NXPE2: variants seen among roughly 807,000 people sequenced by gnomAD.
NXPE2 encodes NXPE family member 2.
NXPE2 carries 34 observed loss-of-function variants against 34.4 expected under a neutral mutation model. That is an observed-to-expected ratio of 0.99 (90% CI 0.75 to 1.31). The LOEUF (loss-of-function observed/expected upper bound fraction) is 1.31, where lower values mean the gene tolerates loss of function less well. NXPE2 is among the 40% of genes most tolerant of loss of function. The pLI is 0.00. For synonymous variants in NXPE2, 235 were observed against 231.3 expected (o/e 1.02, Z -0.15); for missense variants, 649 against 672.5 (o/e 0.97, Z 0.39).
chr11:114,813,370 A>C, the NXPE2 span, among the ~76,000 whole-genome samples: 1 of 152,240 alleles, frequency 6.6e-6, no homozygotes, highest in East Asian at 1.9e-4. Flanking sequence ...CTGAGGAGGG[A>C]CCAGGCCAGG....
rs1425725515 is a variant in NXPE2, at chr11:114,693,503, TCA to T, written c.133-4535_133-4534del. On this transcript the variant is annotated intron_variant, in intron 2 of 5. Coordinates refer to ENST00000389586, the MANE Select transcript of NXPE2 (RefSeq NM_182495.6). ...CACGTCCCAGACTGTCCACTGGATT[TCA>T]CACACATAAAACAGATTCAAGTAAT... Among the ~76,000 whole-genome samples, 8 of 152,216 alleles carry T rather than the reference TCA, an allele frequency of 5.3e-5. No individual in the cohort carries two copies. The East Asian group carries it at 1.3e-3, about 26-fold the overall frequency.
At chr11:114,797,598 A>T in the NXPE2 span, among the ~76,000 whole-genome samples, 1 of 152,108 alleles carries the variant, frequency 6.6e-6, no homozygotes, top group Non-Finnish European at 1.5e-5. Context: ...CATTCTCAAC[A>T]CATGTTGTCT....
chr11:114,733,933 G>A, the NXPE2 span, among the ~76,000 whole-genome samples: 354 of 152,184 alleles, frequency 2.3e-3, 2 homozygotes, highest in African/African-American at 8.2e-3. Context: ...CATGATCACT[G>A]GTGTACCTTT....
intron 2 of NXPE2, among the ~76,000 whole-genome samples, chr11:114,686,057 G>GA (rs1951040620): frequency 1.3e-5 from 2 of 151,768 alleles, no homozygotes; most frequent in African/African-American, 4.8e-5. Flanking sequence ...TGTTACCATT[G>GA]AAAAAAACTC....
intron 5 of NXPE2, 86 bp from the exon 6 acceptor site, chr11:114,706,309 G>T: frequency 1.7e-6 from 2 of 1,163,478 alleles, no homozygotes; most frequent in Non-Finnish European, 2.4e-6. Context: ...AAGTGATCTT[G>T]GTTAGAATTT....
chr11:114,800,441 T>C, the NXPE2 span, among the ~76,000 whole-genome samples: 1 of 152,228 alleles, frequency 6.6e-6, no homozygotes, highest in Non-Finnish European at 1.5e-5. Flanking sequence ...TCTTTGATTA[T>C]TCAAACTGTT....
chr11:114,499,154 T>G, the NXPE2 span, among the ~76,000 whole-genome samples: 1 of 148,266 alleles, frequency 6.7e-6, no homozygotes, highest in Non-Finnish European at 1.5e-5. Context: ...ATTTTCAGGA[T>G]TTTTAGCTTA....
chr11:114,504,994 G>T, the NXPE2 span, among the ~76,000 whole-genome samples: 1 of 152,082 alleles, frequency 6.6e-6, no homozygotes, highest in Non-Finnish European at 1.5e-5. Context: ...TTATGATAAA[G>T]CATTGCAGGA....
At chr11:114,763,703 C>T in the NXPE2 span, among the ~76,000 whole-genome samples, 2 of 152,166 alleles carry the variant, frequency 1.3e-5, no homozygotes, top group Admixed American at 1.3e-4. Context: ...CCAGTGCCAG[C>T]TCTAATTAAT....
the NXPE2 span, among the ~76,000 whole-genome samples, chr11:114,605,525 C>T: frequency 2.2e-4 from 33 of 151,770 alleles, no homozygotes; most frequent in African/African-American, 6.5e-4. Flanking sequence ...ACCACAGTTA[C>T]CCGGTGGATA....
chr11:114,650,411 A>G, the NXPE2 span, among the ~76,000 whole-genome samples: 1 of 152,316 alleles, frequency 6.6e-6, no homozygotes, highest in South Asian at 2.1e-4. Context: ...TATGAGAAAG[A>G]CTCAGAGAAG....
rs1199164528 is a variant in NXPE2 at position 114,705,801 on chromosome 11, A to G, written c.949A>G (p.Asn317Asp). 7 of 1,494,108 alleles carry G rather than the reference A, an allele frequency of 4.7e-6. No individual in the cohort carries two copies. The Admixed American group carries it at 1.7e-4, about 37-fold the overall frequency. The allele number at this position is 1,494,108 out of a possible 1,614,324, so 92.6% of individuals were successfully genotyped here. ...PCNKSENIKK[N>D]CQIGMKTPFP... ...GCCAGAGAGCGAGAACATAAAAAAGAACTGCCAGATTGGAATGAAGACTCC... is the reference window on the plus strand; with the variant it reads ...GCCAGAGAGCGAGAACATAAAAAAGGACTGCCAGATTGGAATGAAGACTCC... Residue 317 changes from asparagine to aspartate, a missense_variant, in exon 5 of 6, where the codon AAC (asparagine) becomes GAC (aspartate). Asn to Asp is a conservative substitution (Grantham distance 23). Coordinates refer to ENST00000389586, the MANE Select transcript of NXPE2 (RefSeq NM_182495.6).
the NXPE2 span, among the ~76,000 whole-genome samples, chr11:114,795,235 G>A: frequency 5.3e-5 from 8 of 152,292 alleles, no homozygotes; most frequent in South Asian, 1.7e-3. Context: ...GGGATGTGAA[G>A]GAAGGCTGGA....
the NXPE2 span, among the ~76,000 whole-genome samples, chr11:114,568,852 G>A: frequency 3.3e-5 from 5 of 152,016 alleles, no homozygotes; most frequent in Admixed American, 1.3e-4. Flanking sequence ...ATAATTTTAT[G>A]TCTTTTTTGT....
the NXPE2 span, among the ~76,000 whole-genome samples, chr11:114,634,829 G>A: frequency 1.1e-3 from 165 of 152,074 alleles, 1 homozygote; most frequent in African/African-American, 3.9e-3. Context: ...GTATATCTCT[G>A]TTTTGGTATC....
chr11:114,737,679 G>C, the NXPE2 span, among the ~76,000 whole-genome samples: 1 of 152,252 alleles, frequency 6.6e-6, no homozygotes, highest in African/African-American at 2.4e-5. Context: ...AGTGAACTGG[G>C]ACACAAGTCT....
chr11:114,739,098 A>G, the NXPE2 span, among the ~76,000 whole-genome samples: 1 of 152,192 alleles, frequency 6.6e-6, no homozygotes, highest in Non-Finnish European at 1.5e-5. Context: ...AAAGTGTTTC[A>G]TAAAGGTGCA....
the NXPE2 span, among the ~76,000 whole-genome samples, chr11:114,595,053 C>T: frequency 6.6e-6 from 1 of 152,220 alleles, no homozygotes; most frequent in East Asian, 1.9e-4. Flanking sequence ...CAAGCTTGCT[C>T]GTGTCTAGAT....
the NXPE2 span, among the ~76,000 whole-genome samples, chr11:114,493,667 CTAT>C: frequency 2.6e-5 from 4 of 152,156 alleles, no homozygotes; most frequent in African/African-American, 9.6e-5. Context: ...ATACTGTATA[CTAT>C]GTCTTGAAAA....
Sources: allele counts gnomAD v4.1 joint callset (sites outside exome capture counted in the v4.1 genomes callset), GRCh38; gene constraint gnomAD v4.1.1; transcripts MANE v1.5; gene names NCBI Gene and HGNC (gene_info 2026-07-23, HGNC 2026-07-21).